SLC2A9: variants seen among roughly 807,000 people sequenced by gnomAD.
SLC2A9 encodes the protein solute carrier family 2, facilitated glucose transporter member 9.
Under a neutral mutation model 50.6 loss-of-function variants are expected in SLC2A9, and 39 were observed. That is an observed-to-expected ratio of 0.77 (90% confidence interval 0.60 to 1.01). The LOEUF (loss-of-function observed/expected upper bound fraction) is 1.01, where lower values mean the gene tolerates loss of function less well. Among genes scored for constraint, SLC2A9 ranks in the 50% least tolerant of loss-of-function variants. The probability of loss-of-function intolerance (pLI) is 0.00; values close to 1 mark genes in which losing one functional copy is unlikely to be tolerated. For synonymous variants in SLC2A9, 324 were observed against 276.9 expected (o/e 1.17, Z -1.69); for missense variants, 686 against 677.6 (o/e 1.01, Z -0.14).
chr4:9,989,167 T>G (rs1163281026), intron 3 of SLC2A9, among the ~76,000 whole-genome samples: 1 of 152,196 alleles, frequency 6.6e-6, no homozygotes, highest in African/African-American at 2.4e-5. Context: ...CTTTAAATAT[T>G]TATATGCCCA....
chr4:9,848,666 G>C (rs996642128), intron 10 of SLC2A9, among the ~76,000 whole-genome samples: 1 of 150,752 alleles, frequency 6.6e-6, no homozygotes, highest in African/African-American at 2.4e-5. Flanking sequence ...AATGATGACA[G>C]TTAAACAGAT....
At position 9,919,190 on chromosome 4, in the gene SLC2A9, G is replaced by T. The variant is rs943081791; in HGVS notation, c.1002+1195C>A. ...AGCAGCGCCTCCTTCAGACTGTCTGGCAAAACCTCGGTCTCGTCAACAGGA... is the reference window on the plus strand; with the variant it reads ...AGCAGCGCCTCCTTCAGACTGTCTGTCAAAACCTCGGTCTCGTCAACAGGA... On this transcript the variant is annotated intron_variant, in intron 7 of 11. Coordinates refer to ENST00000264784, the MANE Select transcript of SLC2A9 (RefSeq NM_020041.3). 4.6e-5 allele frequency among the ~76,000 whole-genome samples: 7 copies of T among 152,174 alleles called. No homozygotes were observed. In the South Asian group the frequency reaches 1.5e-3, roughly 32 times the overall value.
At chr4:10,012,195 A>G (rs1401159345) in intron 2 of SLC2A9, among the ~76,000 whole-genome samples, 1 of 152,234 alleles carries the variant, frequency 6.6e-6, no homozygotes, top group East Asian at 1.9e-4. Flanking sequence ...GCTGATTCAC[A>G]GAATGCAGCA....
In SLC2A9 at chr4:9,826,618, CA is replaced by C. The variant is rs376925476; in HGVS notation, c.1420-19del. Reference sequence around the variant, plus strand: ...AGACTTTTCTGTGGAAAGGCAGAGACAAAAACCCTCAAATAGATAATCAGTA... The same window carrying C: ...AGACTTTTCTGTGGAAAGGCAGAGACAAAACCCTCAAATAGATAATCAGTA... On this transcript the variant is annotated intron_variant, in intron 11 of 11. Transcript: ENST00000264784. 1,733 of 1,607,762 alleles carry C rather than the reference CA, an allele frequency of 1.1e-3. 21 individuals carry two copies. In the African/African-American group the frequency reaches 0.02, roughly 18 times the overall value.
chr4:10,029,645 T>G (rs182634867), intron 1 of SLC2A9, among the ~76,000 whole-genome samples: 1 of 151,132 alleles, frequency 6.6e-6, no homozygotes, highest in East Asian at 1.9e-4. Context: ...GAGATGGAGT[T>G]TGGTCTTGTT....
chr4:9,935,081 A>G (rs112505327), intron 6 of SLC2A9, among the ~76,000 whole-genome samples: 4 of 152,298 alleles, frequency 2.6e-5, no homozygotes, highest in African/African-American at 7.2e-5. Flanking sequence ...GATTGGTTCC[A>G]TGTCTTTGCT....
chr4:9,989,345 C>A (rs1208344696), intron 3 of SLC2A9, among the ~76,000 whole-genome samples: 2 of 152,226 alleles, frequency 1.3e-5, no homozygotes, highest in African/African-American at 4.8e-5. Flanking sequence ...GGCTCCCCTG[C>A]ACTGAGTCTA....
chr4:9,933,884 G>T (rs1355211657), intron 6 of SLC2A9, among the ~76,000 whole-genome samples: 1 of 152,012 alleles, frequency 6.6e-6, no homozygotes, highest in East Asian at 1.9e-4. Context: ...AGCAACCTTG[G>T]GCCAACTCCT....
At chr4:9,863,485 A>C (rs1370152597) in intron 10 of SLC2A9, among the ~76,000 whole-genome samples, 3 of 152,098 alleles carry the variant, frequency 2.0e-5, no homozygotes, top group Admixed American at 6.5e-5. Flanking sequence ...AATATATAAA[A>C]GGGGAAAAAT....
intron 2 of SLC2A9, among the ~76,000 whole-genome samples, chr4:10,017,815 C>T (rs898194861): frequency 7.9e-5 from 12 of 152,176 alleles, no homozygotes; most frequent in African/African-American, 2.9e-4. Context: ...CCCAAAACGG[C>T]CTGTGCTCCA....
intron 5 of SLC2A9, among the ~76,000 whole-genome samples, chr4:9,951,032 C>T (rs544272280): frequency 2.0e-5 from 3 of 152,170 alleles, no homozygotes; most frequent in South Asian, 4.2e-4. Context: ...CAAAGGGATA[C>T]CTGTACTCAC....
rs185963043 is a variant in SLC2A9, at chr4:9,826,395, T to G, written c.*2A>C. ...ATTGTCCAACGTGGAGGAGGAAACT[T>G]GTTAAGGCCTTCCATTTATCTTACC... On this transcript the variant is annotated 3_prime_UTR_variant, in exon 12 of 12. Transcript: ENST00000264784. 6 of 1,614,028 alleles carry G rather than the reference T, an allele frequency of 3.7e-6. No homozygotes were observed. The highest frequency in any genetic ancestry group is 2.7e-5 in the African/African-American group (2 of 75,050).
In SLC2A9 at chr4:10,018,978, G is replaced by T; in HGVS notation, c.246C>A (p.Thr82=). 6.5e-7 allele frequency: 1 copy of T among 1,549,668 alleles called. No individual in the cohort carries two copies. Among genetic ancestry groups the T allele is most frequent in the Middle Eastern group, 2.1e-4 (1 of 4,754 alleles). The part of the protein sequence containing the change: ...GYNLSVVNAP[T]PYIKAFYNES... ...CCGGGCCTTGGCGCGCACTCACCGG[G>T]GTGGGGGCATTCACCACCGACAGGT... is the stretch of plus-strand genomic sequence containing the variant. Residue 82 remains threonine, a synonymous_variant, in exon 2 of 12, where the codon ACC becomes ACA. Coordinates refer to ENST00000264784, the MANE Select transcript of SLC2A9 (RefSeq NM_020041.3).
chr4:9,871,723 C>T (rs1438649999), intron 10 of SLC2A9, among the ~76,000 whole-genome samples: 3 of 152,216 alleles, frequency 2.0e-5, no homozygotes, highest in African/African-American at 7.2e-5. Flanking sequence ...TTGGGGGATA[C>T]TACTCAACCC....
At chr4:9,957,297 G>A (rs1751474587) in intron 5 of SLC2A9, among the ~76,000 whole-genome samples, 1 of 152,038 alleles carries the variant, frequency 6.6e-6, no homozygotes, top group African/African-American at 2.4e-5. Context: ...CTTTGGAGGA[G>A]AATCCAAACC....
chr4:9,907,654 C>T (rs765894351), intron 8 of SLC2A9, among the ~76,000 whole-genome samples: 6 of 152,118 alleles, frequency 3.9e-5, no homozygotes, highest in South Asian at 4.1e-4. Context: ...TTCTCTGATC[C>T]GAACTCCTGG....
chr4:9,955,041 G>A (rs748642128), intron 5 of SLC2A9, among the ~76,000 whole-genome samples: 41 of 152,284 alleles, frequency 2.7e-4, no homozygotes, highest in Middle Eastern at 3.4e-3. Flanking sequence ...TGACTGGTGA[G>A]GGAAAAACGC....
intron 5 of SLC2A9, among the ~76,000 whole-genome samples, chr4:9,942,359 C>T (rs1748320953): frequency 6.6e-6 from 1 of 152,214 alleles, no homozygotes; most frequent in African/African-American, 2.4e-5. Context: ...CCTGGGGAAC[C>T]ATGGTGAGCC....
chr4:9,783,389 G>T, intron 3 of SLC2A9: 1 of 1,614,202 alleles, frequency 6.2e-7, no homozygotes, highest in Non-Finnish European at 8.5e-7. Flanking sequence ...TGCTGAGTCT[G>T]TCTGGGAGCT....
Sources: allele counts gnomAD v4.1 joint callset (sites outside exome capture counted in the v4.1 genomes callset), GRCh38; gene constraint gnomAD v4.1.1; transcripts MANE v1.5; gene names NCBI Gene and HGNC (gene_info 2026-07-23, HGNC 2026-07-21).